The following NLRP11 variants were observed in gnomAD, a reference collection of about 807,000 sequenced individuals.
The protein encoded by NLRP11 is NLR family pyrin domain containing 11, also known as NACHT, LRR and PYD domains-containing protein 11.
A neutral mutation model predicts 79.3 loss-of-function variants in NLRP11; 53 were observed. That is an observed-to-expected ratio of 0.67 (90% confidence interval 0.54 to 0.84). NLRP11 has a LOEUF of 0.84. Ranked by LOEUF, NLRP11 falls within the 40% of genes least tolerant of loss-of-function variation. NLRP11 has a pLI of 0.00. For missense variants in NLRP11, 1,264 were observed against 1,255.0 expected (o/e 1.01, Z -0.11); for synonymous variants, 518 against 462.6 (o/e 1.12, Z -1.54).
Position 55,807,836 on chromosome 19 carries a change from G to A in NLRP11, c.2003+17C>T. ...TCCTAGGGGAACCTCTAAGGCAGAG[G>A]TTGATATAGTACTTACTTGAGTGTG... On this transcript the variant is annotated intron_variant, in intron 4 of 9. Transcript: ENST00000589093. The A allele has an allele frequency of 6.4e-7, 1 of 1,571,174 alleles. No homozygotes were observed. The highest frequency in any genetic ancestry group is 8.7e-7 in the Non-Finnish European group (1 of 1,148,886).
Position 55,809,792 on chromosome 19 carries a change from A to G in NLRP11, c.818T>C (p.Phe273Ser). ...ACGTGTGGGCCTTGAGGAGATGAGGAACCAGCAGCCTGGAGCCATTTTTCT... is the reference window on the plus strand; with the variant it reads ...ACGTGTGGGCCTTGAGGAGATGAGGGACCAGCAGCCTGGAGCCATTTTTCT... Residue 273 changes from phenylalanine to serine, a missense_variant, in exon 3 of 10, where the codon TTC (phenylalanine) becomes TCC (serine). Phe to Ser is a radical substitution (Grantham distance 155, BLOSUM62 -2). Transcript: ENST00000589093. The surrounding 1 kb of genome is among the most constrained non-coding windows in gnomAD (Gnocchi z 4.5). 6.2e-7 allele frequency: 1 copy of G among 1,614,188 alleles called. No individual in the cohort carries two copies. The highest frequency in any genetic ancestry group is 1.3e-5 in the African/African-American group (1 of 75,066).
chr19:55,785,649 A>G, exon 10 of NLRP11: 4 of 1,613,996 alleles, frequency 2.5e-6, no homozygotes, highest in Non-Finnish European at 3.4e-6. Flanking sequence ...TAGATGCTGT[A>G]TTTGACGTTC....
At chr19:55,801,936 T>G (rs1410969228) in intron 4 of NLRP11, among the ~76,000 whole-genome samples, 197 bp from the exon 5 acceptor site, 1 of 152,222 alleles carries the variant, frequency 6.6e-6, no homozygotes, top group Non-Finnish European at 1.5e-5. Context: ...GACTTTGAAG[T>G]AATCCCCTGG....
In NLRP11 at chr19:55,802,043, T is replaced by C. The variant is rs536419022; in HGVS notation, c.2004-304A>G. Among the ~76,000 whole-genome samples the C allele has an allele frequency of 3.2e-4, 49 of 152,222 alleles. 1 individual carries two copies. Among genetic ancestry groups the C allele is most frequent in the African/African-American group, 1.1e-3 (45 of 41,542 alleles). On this transcript the variant is annotated intron_variant, in intron 4 of 9. Coordinates refer to ENST00000589093, the Ensembl canonical transcript of NLRP11. ...ACATGCACAAAGATATTAAGATACA[T>C]CCACATGCACAAGTTTAACCATGTT...
At chr19:55,804,312 A>G (rs1297910664) in intron 4 of NLRP11, among the ~76,000 whole-genome samples, 1 of 152,240 alleles carries the variant, frequency 6.6e-6, no homozygotes, top group Non-Finnish European at 1.5e-5. Flanking sequence ...ATACATGCAC[A>G]TGAATGTTCA....
At chr19:55,817,837 A>T in intron 2 of NLRP11, 67 bp downstream of exon 2, 3 of 1,214,210 alleles carry the variant, frequency 2.5e-6, no homozygotes, top group Non-Finnish European at 3.4e-6. Flanking sequence ...AAAAAAAAAA[A>T]GGCCCAACAC....
At chr19:55,801,586 T>A in exon 5 of NLRP11, 2 of 1,614,140 alleles carry the variant, frequency 1.2e-6, no homozygotes, top group Non-Finnish European at 1.7e-6. Context: ...GATGACTTAT[T>A]TGGCATGTGG....
At chr19:55,817,670 G>C (rs982599215) in intron 2 of NLRP11, among the ~76,000 whole-genome samples, 1 of 152,128 alleles carries the variant, frequency 6.6e-6, no homozygotes, top group Non-Finnish European at 1.5e-5. Flanking sequence ...GGACTCGGCG[G>C]GAAGTGTGAG....
chr19:55,829,824 C>G (rs1423068), intron 1 of NLRP11, among the ~76,000 whole-genome samples: 68,292 of 151,888 alleles, frequency 0.45, 17,112 homozygotes, highest in African/African-American at 0.68. Context: ...AAAGTCAATG[C>G]TGCCAGCCCC....
At chr19:55,791,458 AAAGAT>A (rs1240659926) in intron 7 of NLRP11, among the ~76,000 whole-genome samples, 2 of 152,260 alleles carry the variant, frequency 1.3e-5, no homozygotes, top group African/African-American at 2.4e-5. Flanking sequence ...AGACAGAAAT[AAAGAT>A]AAGATACCAT....
chr19:55,790,896 T>C (rs548704458), intron 7 of NLRP11, among the ~76,000 whole-genome samples: 205 of 152,344 alleles, frequency 1.3e-3, no homozygotes, highest in South Asian at 2.1e-4. Flanking sequence ...ATGTGCCCTA[T>C]GGGAGCTCAT....
chr19:55,817,218 C>A (rs1981211124), intron 2 of NLRP11, among the ~76,000 whole-genome samples: 1 of 152,082 alleles, frequency 6.6e-6, no homozygotes, highest in African/African-American at 2.4e-5. Flanking sequence ...AAAGGGAACA[C>A]TTTTACACTG....
chr19:55,799,968 A>G (rs750399963), intron 5 of NLRP11, among the ~76,000 whole-genome samples: 9 of 152,302 alleles, frequency 5.9e-5, no homozygotes, highest in Non-Finnish European at 1.3e-4. Context: ...ACTCTGTCTC[A>G]AAACAAAAAT....
At chr19:55,785,515 A>T in exon 10 of NLRP11, 1 of 921,592 alleles carries the variant, frequency 1.1e-6, no homozygotes. Context: ...ACACACACAC[A>T]CACACACACA....
chr19:55,813,305 GA>G (rs1980784242), intron 2 of NLRP11, among the ~76,000 whole-genome samples: 1 of 152,038 alleles, frequency 6.6e-6, no homozygotes, highest in African/African-American at 2.4e-5. Context: ...TCCAGCCTGG[GA>G]AAAAAAATTT....
In NLRP11 at chr19:55,827,214, G is replaced by A. The variant is rs1982318853; in HGVS notation, c.-63+4749C>T. 2.1e-5 allele frequency among the ~76,000 whole-genome samples: 3 copies of A among 140,060 alleles called. No homozygotes were observed. The South Asian group carries it at 6.6e-4, about 31-fold the overall frequency. The allele number at this position is 140,060 out of a possible 152,430, so 91.9% of individuals were successfully genotyped here. ...TGCTGGGAAAACTGGCTAGCCATAT[G>A]TAGGAAGCTGAAACTGGATCCCTTC... On this transcript the variant is annotated intron_variant, in intron 1 of 9. Transcript: ENST00000589093.
At chr19:55,802,085 A>C (rs1170711640) in intron 4 of NLRP11, among the ~76,000 whole-genome samples, 1 of 152,232 alleles carries the variant, frequency 6.6e-6, no homozygotes, top group Non-Finnish European at 1.5e-5. Context: ...CACTGAGAGC[A>C]AAAGACAAAA....
Position 55,789,404 on chromosome 19 carries a change from A to G in NLRP11, c.2514-5T>C. On this transcript the variant is annotated splice_polypyrimidine_tract_variant and splice_region_variant and intron_variant, in intron 7 of 9. Coordinates refer to ENST00000589093, the Ensembl canonical transcript of NLRP11. Reference sequence around the variant, plus strand: ...CTAAAGAAACAGCCAGACAGACTGCAAAACAGAAACATGAGCTAGAGTCAT... The same window carrying G: ...CTAAAGAAACAGCCAGACAGACTGCGAAACAGAAACATGAGCTAGAGTCAT... 2 of 1,609,290 alleles carry G rather than the reference A, an allele frequency of 1.2e-6. No individual in the cohort carries two copies. Among genetic ancestry groups the G allele is most frequent in the Non-Finnish European group, 1.7e-6 (2 of 1,178,224 alleles).
At chr19:55,834,995 T>C (rs1369160388), upstream of NLRP11, among the ~76,000 whole-genome samples, 1 of 152,186 alleles carries the variant, frequency 6.6e-6, no homozygotes, top group East Asian at 1.9e-4. Flanking sequence ...TGGGAACCCC[T>C]GAGGATGCAA....
Sources: allele counts gnomAD v4.1 joint callset (sites outside exome capture counted in the v4.1 genomes callset), GRCh38; gene constraint gnomAD v4.1.1; non-coding constraint Gnocchi (gnomAD v3.1); transcripts MANE v1.5; gene names NCBI Gene and HGNC (gene_info 2026-07-23, HGNC 2026-07-21).